Variants in OTOGL observed in about 807,000 individuals in gnomAD.
OTOGL encodes the protein otogelin-like protein.
In OTOGL, 285 loss-of-function variants were observed where a neutral mutation model predicts 318.5. That is an observed-to-expected ratio of 0.89 (90% CI 0.81 to 0.99). OTOGL has a LOEUF of 0.99. OTOGL is among the 50% of genes least tolerant of loss of function. The pLI, the probability that OTOGL is intolerant of heterozygous loss-of-function variation, is 0.00. For missense variants in OTOGL, 2,899 were observed against 2,845.6 expected (o/e 1.02, Z -0.43); for synonymous variants, 987 against 936.5 (o/e 1.05, Z -0.99).
intron 17 of OTOGL, 38 bp from the exon 18 acceptor site, chr12:80,257,787 A>G (rs768133871): frequency 2.0e-6 from 3 of 1,464,656 alleles, no homozygotes; most frequent in African/African-American, 1.4e-5. Flanking sequence ...ACCGTCTATG[A>G]ATGTCAAAGC....
chr12:80,320,367 C>A, intron 33 of OTOGL, 55 bp from the exon 34 acceptor site: 1 of 1,486,390 alleles, frequency 6.7e-7, no homozygotes, highest in Non-Finnish European at 9.1e-7. Context: ...TTTTGTGATG[C>A]CAATGTTGAT....
intron 1 of OTOGL, among the ~76,000 whole-genome samples, chr12:80,149,004 C>G (rs1418758891): frequency 6.6e-6 from 1 of 152,044 alleles, no homozygotes; most frequent in Non-Finnish European, 1.5e-5. Flanking sequence ...TTTGAATGTC[C>G]TCCTGTAGCT....
At chr12:80,108,786 T>C (rs1339193611) in intron 1 of OTOGL, among the ~76,000 whole-genome samples, 5 of 124,190 alleles carry the variant, frequency 4.0e-5, no homozygotes, top group East Asian at 2.2e-4. Context: ...TATATATATA[T>C]GTATATATAT....
intron 1 of OTOGL, among the ~76,000 whole-genome samples, chr12:80,207,802 T>TA (rs1445017992): frequency 1.3e-5 from 2 of 152,226 alleles, no homozygotes; most frequent in African/African-American, 4.8e-5. Context: ...AACCTTAGTC[T>TA]TTTAATTTAC....
Position 80,296,961 on chromosome 12 carries a change from G to T in OTOGL, c.3063G>T (p.Gln1021His). The T allele has an allele frequency of 6.5e-7, 1 of 1,538,814 alleles. No homozygotes were observed. Among genetic ancestry groups the T allele is most frequent in the African/African-American group, 1.4e-5 (1 of 74,026 alleles). The change falls in exon 27 of 59, where the codon CAG becomes CAT. Residue 1021 changes from glutamine to histidine, a missense_variant and splice_region_variant. Gln to His is a conservative substitution (Grantham distance 24). Coordinates refer to ENST00000547103, the MANE Select transcript of OTOGL (RefSeq NM_001378609.3). The stretch of plus-strand genomic sequence containing the variant: ...ACCTGAATGATACTCCTTACAAACA[G>T]GTTAGTGAATTATTTCTTTCAGGAT... Reference protein sequence around the residue: ...EIYLNDTPYKQKQSGFFLENK... With the variant: ...EIYLNDTPYKHKQSGFFLENK...
chr12:80,190,334 A>G (rs1875585183), intron 1 of OTOGL, among the ~76,000 whole-genome samples: 1 of 152,248 alleles, frequency 6.6e-6, no homozygotes, highest in South Asian at 2.1e-4. Context: ...AATAAATTCA[A>G]AGAAGCACAA....
chr12:80,192,124 G>T (rs1004967783), intron 1 of OTOGL, among the ~76,000 whole-genome samples: 1 of 152,082 alleles, frequency 6.6e-6, no homozygotes, highest in Non-Finnish European at 1.5e-5. Context: ...TCCATGTTTG[G>T]ATACATTGTT....
In OTOGL at chr12:80,251,692, G is replaced by A; in HGVS notation, c.1053-1G>A. ...TCTGGCTCTGTCTTTTCACTTTCTA[G>A]AACTGATGATGATGAAACCTATTGC... On this transcript the variant is annotated splice_acceptor_variant, in intron 11 of 58. Coordinates refer to ENST00000547103, the MANE Select transcript of OTOGL (RefSeq NM_001378609.3). LOFTEE classifies it high-confidence loss of function. The A allele has an allele frequency of 6.3e-7, 1 of 1,579,604 alleles. No individual in the cohort carries two copies. Among genetic ancestry groups the A allele is most frequent in the South Asian group, 1.2e-5 (1 of 86,056 alleles).
Position 80,297,804 on chromosome 12 carries a change from T to C in OTOGL, c.3063+843T>C, listed in dbSNP as rs1885510855. On this transcript the variant is annotated intron_variant, in intron 27 of 58. Coordinates refer to ENST00000547103, the MANE Select transcript of OTOGL (RefSeq NM_001378609.3). ...AGCCCACATTCCAGAAGGTGGAGCA[T>C]CTTATTAGTCCTTCATTACTATTAT... 2.0e-5 allele frequency among the ~76,000 whole-genome samples: 3 copies of C among 152,202 alleles called. No homozygotes were observed. The South Asian group carries it at 6.2e-4, about 31-fold the overall frequency.
chr12:80,194,525 C>G (rs1875911688), intron 1 of OTOGL, among the ~76,000 whole-genome samples: 2 of 152,096 alleles, frequency 1.3e-5, no homozygotes. Flanking sequence ...AATCCCATAA[C>G]CAAAAACATA....
Position 80,201,965 on chromosome 12 carries a change from A to C in OTOGL, c.-19-7448A>C, listed in dbSNP as rs566823375. 4.6e-5 allele frequency among the ~76,000 whole-genome samples: 7 copies of C among 152,294 alleles called. No individual in the cohort carries two copies. The South Asian group carries it at 1.5e-3, about 32-fold the overall frequency. On this transcript the variant is annotated intron_variant, in intron 1 of 58. Coordinates refer to ENST00000547103, the MANE Select transcript of OTOGL (RefSeq NM_001378609.3). ...TGCCTGCTGCTGTCTGCATTCTACCATCTGATTCTTAAATGAATGCTTTTA... is the reference window on the plus strand; with the variant it reads ...TGCCTGCTGCTGTCTGCATTCTACCCTCTGATTCTTAAATGAATGCTTTTA...
intron 3 of OTOGL, 48 bp from the exon 4 acceptor site, chr12:80,211,901 G>A: frequency 2.1e-6 from 3 of 1,445,520 alleles, no homozygotes; most frequent in Non-Finnish European, 2.8e-6. Flanking sequence ...GCTTGTTCAG[G>A]TTGCCTAGGG....
chr12:80,260,191 T>A (rs962691500), intron 18 of OTOGL, among the ~76,000 whole-genome samples: 2 of 152,100 alleles, frequency 1.3e-5, no homozygotes, highest in African/African-American at 2.4e-5. Context: ...AACTGGCATT[T>A]AAAATTTAAA....
At chr12:80,295,456 C>T (rs547427254) in intron 26 of OTOGL, among the ~76,000 whole-genome samples, 25 of 152,218 alleles carry the variant, frequency 1.6e-4, no homozygotes, top group Admixed American at 1.2e-3. Context: ...GGATTACAGG[C>T]GTGAGCCACC....
intron 1 of OTOGL, among the ~76,000 whole-genome samples, chr12:80,203,792 A>G (rs1876623082): frequency 6.6e-6 from 1 of 152,176 alleles, no homozygotes; most frequent in Non-Finnish European, 1.5e-5. Flanking sequence ...AATTTTCTCA[A>G]GAAGCTAGAT....
At chr12:80,271,540 C>G in intron 23 of OTOGL, 108 bp from the exon 24 acceptor site, 1 of 1,108,396 alleles carries the variant, frequency 9.0e-7, no homozygotes, top group African/African-American at 1.6e-5. Flanking sequence ...CTAACATTCT[C>G]AAACTCAAAA....
intron 52 of OTOGL, among the ~76,000 whole-genome samples, chr12:80,359,765 T>A (rs192167403): frequency 7.9e-5 from 12 of 152,362 alleles, no homozygotes; most frequent in Non-Finnish European, 1.5e-4. Context: ...AATAATTCTG[T>A]CATTTGATTA....
At chr12:80,283,989 C>G in intron 26 of OTOGL, among the ~76,000 whole-genome samples, 1 of 151,622 alleles carries the variant, frequency 6.6e-6, no homozygotes, top group East Asian at 1.9e-4. Flanking sequence ...TTAATCCCCC[C>G]ACACATTAGG....
Position 80,367,710 on chromosome 12 carries a change from C to T in OTOGL, c.6481C>T (p.Leu2161=). The change falls in exon 54 of 59, where the codon CTG becomes TTG. Residue 2161 remains leucine (L), a synonymous_variant. Coordinates refer to ENST00000547103, the MANE Select transcript of OTOGL (RefSeq NM_001378609.3). ...HTGFHTLNFT[L]VNCSKKCDVH... ...GGGCTTTCACACTCTGAATTTTACA[C>T]TGGTGAATTGTTCAAAAAAATGTGA... is the stretch of plus-strand genomic sequence containing the variant. 1.4e-6 allele frequency: 2 copies of T among 1,444,476 alleles called. No homozygotes were observed. The highest frequency in any genetic ancestry group is 1.5e-5 in the African/African-American group (1 of 68,174). 89.5% of individuals were successfully genotyped at this position (1,444,476 alleles called of 1,614,324 possible). A position where few individuals can be genotyped will look rare whatever the true frequency, so the allele number is the denominator to read the frequency against.
Sources: allele counts gnomAD v4.1 joint callset (sites outside exome capture counted in the v4.1 genomes callset), GRCh38; gene constraint gnomAD v4.1.1; transcripts MANE v1.5; gene names NCBI Gene and HGNC (gene_info 2026-07-23, HGNC 2026-07-21).